GALNTL6: variants seen among roughly 807,000 people sequenced by gnomAD.
GALNTL6 encodes polypeptide N-acetylgalactosaminyltransferase like 6.
A neutral mutation model predicts 73.7 loss-of-function variants in GALNTL6; 46 were observed. That is an observed-to-expected ratio of 0.62 (90% CI 0.49 to 0.80). The LOEUF (loss-of-function observed/expected upper bound fraction) is 0.80, where lower values mean the gene tolerates loss of function less well. Among genes scored for constraint, GALNTL6 ranks in the 30% least tolerant of loss-of-function variants. GALNTL6 has a pLI of 0.00. For missense variants in GALNTL6, 604 were observed against 755.0 expected, an observed-to-expected ratio of 0.80 and a Z score of 2.34; for synonymous variants, 259 against 263.7, an observed-to-expected ratio of 0.98 and a Z score of 0.17.
At position 171,826,936 on chromosome 4, in the gene GALNTL6, C is replaced by A. The variant is rs113492641; in HGVS notation, c.138+12218C>A. ...TACATTTACCAGTATCCTTTACAGACTCCTACTTGTGTTCTTTTCCTAAAA... is the reference window on the plus strand; with the variant it reads ...TACATTTACCAGTATCCTTTACAGAATCCTACTTGTGTTCTTTTCCTAAAA... On this transcript the variant is annotated intron_variant, in intron 2 of 12. Coordinates refer to ENST00000506823, the MANE Select transcript of GALNTL6 (RefSeq NM_001034845.3). 4.5e-3 allele frequency among the ~76,000 whole-genome samples: 679 copies of A among 152,176 alleles called. 1 individual carries two copies. Among genetic ancestry groups the A allele is most frequent in the African/African-American group, 0.015 (640 of 41,528 alleles).
At chr4:172,035,103 ATGCCTGTCCTTTTT>A (rs1741894100) in intron 2 of GALNTL6, among the ~76,000 whole-genome samples, 2 of 152,102 alleles carry the variant, frequency 1.3e-5, no homozygotes, top group African/African-American at 2.4e-5. Context: ...TGGCATGTCT[ATGCCTGTCCTTTTT>A]TAGAACAAGT....
chr4:172,003,375 C>G (rs1231630346), intron 2 of GALNTL6, among the ~76,000 whole-genome samples: 4 of 152,038 alleles, frequency 2.6e-5, no homozygotes, highest in African/African-American at 9.7e-5. Flanking sequence ...AAATAAACTT[C>G]AAAGTACAGT....
At chr4:172,459,785 G>T (rs1251481609) in intron 5 of GALNTL6, among the ~76,000 whole-genome samples, 3 of 152,128 alleles carry the variant, frequency 2.0e-5, no homozygotes, top group Non-Finnish European at 4.4e-5. Context: ...TGGCCATACT[G>T]CCCAATGTAA....
At chr4:172,398,797 G>A (rs1039576069) in intron 5 of GALNTL6, among the ~76,000 whole-genome samples, 10 of 151,638 alleles carry the variant, frequency 6.6e-5, no homozygotes, top group Non-Finnish European at 1.5e-4. Context: ...TGTATTTATG[G>A]GCTTGGTTTG....
rs57320189 is a variant in GALNTL6 at position 172,502,469 on chromosome 4, A to T, written c.553+153780A>T. On this transcript the variant is annotated intron_variant, in intron 5 of 12. Transcript: ENST00000506823. ...TCAAATCACAACATTCAACTCATAG[A>T]TGTGAGCACTTTGGCTCATCTATTT... Among the ~76,000 whole-genome samples the T allele has an allele frequency of 2.2e-4, 25 of 114,346 alleles. No homozygotes were observed. The East Asian group carries it at 7.7e-3, about 35-fold the overall frequency. 75.0% of individuals were successfully genotyped at this position (114,346 alleles called of 152,430 possible).
intron 5 of GALNTL6, among the ~76,000 whole-genome samples, chr4:172,719,867 G>T (rs1271846017): frequency 6.6e-6 from 1 of 152,154 alleles, no homozygotes; most frequent in African/African-American, 2.4e-5. Flanking sequence ...GGTTATTTCT[G>T]ATGATATGCT....
chr4:172,311,514 C>T (rs1218530572), intron 3 of GALNTL6, 100 bp from the exon 4 acceptor site: 1 of 926,268 alleles, frequency 1.1e-6, no homozygotes, highest in Non-Finnish European at 1.5e-6. Context: ...CTGCAGAGCA[C>T]AGCAATAGGC....
At chr4:172,013,429 G>A (rs925227798) in intron 2 of GALNTL6, among the ~76,000 whole-genome samples, 1 of 151,830 alleles carries the variant, frequency 6.6e-6, no homozygotes, top group Non-Finnish European at 1.5e-5. Context: ...TCTGTGCCTG[G>A]CTTATTTTAC....
chr4:171,970,817 C>A (rs1414533555), intron 2 of GALNTL6, among the ~76,000 whole-genome samples: 7 of 152,082 alleles, frequency 4.6e-5, no homozygotes. Flanking sequence ...AATACACAGC[C>A]TGAGCAAAAA....
intron 7 of GALNTL6, among the ~76,000 whole-genome samples, chr4:172,864,654 A>G (rs1744572342): frequency 6.6e-6 from 1 of 152,206 alleles, no homozygotes; most frequent in African/African-American, 2.4e-5. Flanking sequence ...AAAATGGGAA[A>G]GTGATGATTA....
intron 2 of GALNTL6, among the ~76,000 whole-genome samples, chr4:172,169,384 C>A (rs1734738962): frequency 6.6e-6 from 1 of 152,184 alleles, no homozygotes; most frequent in South Asian, 2.1e-4. Context: ...TTTCTATAAT[C>A]TGTGGTTAAT....
At chr4:172,669,114 G>C (rs1025886505) in intron 5 of GALNTL6, 2 of 152,272 alleles carry the variant, frequency 1.3e-5, no homozygotes, top group South Asian at 2.1e-4. Context: ...TGGATTATCT[G>C]TTATTTACTT....
intron 5 of GALNTL6, among the ~76,000 whole-genome samples, chr4:172,662,704 G>T (rs1731440629): frequency 6.6e-6 from 1 of 152,148 alleles, no homozygotes; most frequent in Non-Finnish European, 1.5e-5. Context: ...GCTAATCCAG[G>T]CTCTGGGGAT....
intron 2 of GALNTL6, among the ~76,000 whole-genome samples, chr4:171,928,996 A>G (rs1043858862): frequency 2.6e-5 from 4 of 152,228 alleles, no homozygotes; most frequent in Non-Finnish European, 5.9e-5. Context: ...AATATATTCT[A>G]CATTTCATAA....
At chr4:172,234,033 C>T (rs1737161386) in intron 3 of GALNTL6, among the ~76,000 whole-genome samples, 1 of 151,862 alleles carries the variant, frequency 6.6e-6, no homozygotes, top group Non-Finnish European at 1.5e-5. Flanking sequence ...AATGATTATA[C>T]TGAAATTCCT....
chr4:172,514,619 T>G (rs1734536749), intron 5 of GALNTL6, among the ~76,000 whole-genome samples: 1 of 152,090 alleles, frequency 6.6e-6, no homozygotes, highest in South Asian at 2.1e-4. Context: ...CCTGAAAAAT[T>G]TTCACTCAGT....
chr4:172,980,810 A>C (rs1336650404), intron 10 of GALNTL6, among the ~76,000 whole-genome samples: 1 of 152,146 alleles, frequency 6.6e-6, no homozygotes. Flanking sequence ...GGGGGGAGAG[A>C]GGGGCACAAT....
intron 5 of GALNTL6, among the ~76,000 whole-genome samples, chr4:172,717,303 T>G (rs1343866954): frequency 6.6e-6 from 1 of 152,250 alleles, no homozygotes; most frequent in African/African-American, 2.4e-5. Context: ...TAACACATTC[T>G]ATGTAATCAT....
At chr4:172,998,935 T>G (rs1579761967) in intron 10 of GALNTL6, among the ~76,000 whole-genome samples, 1 of 149,694 alleles carries the variant, frequency 6.7e-6, no homozygotes, top group African/African-American at 2.5e-5. Flanking sequence ...TCAGTCCAAG[T>G]CCAGCCAGAA....
Sources: allele counts gnomAD v4.1 joint callset (sites outside exome capture counted in the v4.1 genomes callset), GRCh38; gene constraint gnomAD v4.1.1; transcripts MANE v1.5; gene names NCBI Gene and HGNC (gene_info 2026-07-23, HGNC 2026-07-21).